Variants in BANP observed in about 807,000 individuals in gnomAD.
BANP encodes the protein BTG3 associated nuclear protein.
A neutral mutation model predicts 68.1 loss-of-function variants in BANP; 11 were observed. The ratio of observed to expected loss-of-function variants is 0.16; its 90% CI spans 0.10 to 0.27. The LOEUF (loss-of-function observed/expected upper bound fraction) is 0.27, where lower values mean the gene tolerates loss of function less well. Ranked by LOEUF, BANP falls within the 10% of genes least tolerant of loss-of-function variation. The pLI is 1.00. For missense variants in BANP, 504 were observed against 722.7 expected, an observed-to-expected ratio of 0.70 and a Z score of 3.47; for synonymous variants, 329 against 303.2, an observed-to-expected ratio of 1.09 and a Z score of -0.88.
intron 1 of BANP, among the ~76,000 whole-genome samples, chr16:87,967,333 T>G (rs2060219228): frequency 6.8e-6 from 1 of 146,872 alleles, no homozygotes; most frequent in African/African-American, 2.5e-5. Flanking sequence ...GCTCTCCAAC[T>G]CTGACCTCAG....
At chr16:87,989,947 G>T (rs1161949512) in intron 4 of BANP, among the ~76,000 whole-genome samples, 1 of 149,112 alleles carries the variant, frequency 6.7e-6, no homozygotes, top group Admixed American at 6.7e-5. Context: ...CAGGGCGGGC[G>T]ACAGGGGATG....
rs774735387 is a variant in BANP, at chr16:87,981,070, C to T, written c.105C>T (p.Asp35=). 24 of 1,613,956 alleles carry T rather than the reference C, an allele frequency of 1.5e-5. No homozygotes were observed. Among genetic ancestry groups the T allele is most frequent in the African/African-American group, 8.0e-5 (6 of 75,004 alleles). Residue 35 remains aspartate, a synonymous_variant, in exon 3 of 14, where the codon GAC becomes GAT. Coordinates refer to ENST00000682872, the MANE Select transcript of BANP (RefSeq NM_001386991.1). ...AGAATCATGTAGTGACAGATGAAGA[C>T]GAACCTGCTTTGAAACGCCAGCGAC... ...VLENHVVTDE[D]EPALKRQRLE...
At position 88,018,323 on chromosome 16, in the gene BANP, G is replaced by C. The variant is rs550186046; in HGVS notation, c.656-105G>C. On this transcript the variant is annotated intron_variant, in intron 6 of 13. Coordinates refer to ENST00000682872, the MANE Select transcript of BANP (RefSeq NM_001386991.1). This position sits in a 1 kb window ranked among gnomAD's most constrained non-coding sequence, Gnocchi z 7.7. ...AGTTACGAGGGATTTGCCCAGCCCTGCGTGGAGCATCTTTCCCGACTGTGC... is the reference window on the plus strand; with the variant it reads ...AGTTACGAGGGATTTGCCCAGCCCTCCGTGGAGCATCTTTCCCGACTGTGC... 3.5e-6 allele frequency: 5 copies of C among 1,417,616 alleles called. No individual in the cohort carries two copies. In the African/African-American group the frequency reaches 7.0e-5, roughly 20 times the overall value. 87.8% of individuals were successfully genotyped at this position (1,417,616 alleles called of 1,614,324 possible).
chr16:87,992,926 T>C (rs7198708), intron 4 of BANP, among the ~76,000 whole-genome samples: 99,814 of 152,142 alleles, frequency 0.66, 33,407 homozygotes, highest in African/African-American at 0.76. Flanking sequence ...TGTATGTTTC[T>C]GTGTCTGTGG....
chr16:88,008,084 T>G (rs1489617908), intron 6 of BANP, among the ~76,000 whole-genome samples: 1 of 152,212 alleles, frequency 6.6e-6, no homozygotes, highest in Non-Finnish European at 1.5e-5. Flanking sequence ...CTCGTGGATG[T>G]GCCTGTTGTG....
intron 4 of BANP, among the ~76,000 whole-genome samples, chr16:87,989,892 G>A (rs35696048): frequency 0.35 from 38,693 of 110,182 alleles, 10,113 homozygotes; most frequent in Non-Finnish European, 0.48. Context: ...GTGGGTGACG[G>A]GGGATGCAGG....
In BANP at chr16:88,047,874, A is replaced by G. The variant is rs551951407; in HGVS notation, c.1311+9863A>G. Among the ~76,000 whole-genome samples the G allele has an allele frequency of 1.1e-4, 17 of 152,358 alleles. No homozygotes were observed. In the South Asian group the frequency reaches 3.3e-3, roughly 30 times the overall value. On this transcript the variant is annotated intron_variant, in intron 11 of 13. Coordinates refer to ENST00000682872, the MANE Select transcript of BANP (RefSeq NM_001386991.1). The stretch of plus-strand genomic sequence containing the variant: ...GACTGTGCTTTCTTTTTACACTGCT[A>G]TGACTATGTCCTGTCACTTAAACAT...
At chr16:88,027,888 C>A (rs1231555148) in intron 8 of BANP, among the ~76,000 whole-genome samples, 1 of 152,262 alleles carries the variant, frequency 6.6e-6, no homozygotes, top group East Asian at 1.9e-4. Context: ...GACAGAGGGC[C>A]TGTTGGGCCT....
intron 1 of BANP, 102 bp from the exon 2 acceptor site, chr16:87,974,946 G>A (rs918218614): frequency 5.0e-6 from 3 of 601,192 alleles, no homozygotes; most frequent in South Asian, 4.0e-5. Flanking sequence ...CTCCACAGAC[G>A]TTCGCGGCCT....
intron 6 of BANP, among the ~76,000 whole-genome samples, chr16:88,009,952 A>G (rs953621229): frequency 6.6e-6 from 1 of 152,192 alleles, no homozygotes; most frequent in African/African-American, 2.4e-5. Context: ...CATTGGAATA[A>G]GAAGGACTGT....
rs1172243734 is a variant in BANP, at chr16:88,071,331, C to A, written c.1378-738C>A. 1 of 375,172 alleles carries A rather than the reference C, an allele frequency of 2.7e-6. No homozygotes were observed. Among genetic ancestry groups the A allele is most frequent in the Non-Finnish European group, 5.3e-6 (1 of 188,054 alleles). The allele number at this position is 375,172 out of a possible 1,614,324, so 23.2% of individuals were successfully genotyped here. ...TGGGCCGTCTTGACACCGGAGCTGCCTGCCTGGATGTTGGAGCGCCCAGTG... is the reference window on the plus strand; with the variant it reads ...TGGGCCGTCTTGACACCGGAGCTGCATGCCTGGATGTTGGAGCGCCCAGTG... On this transcript the variant is annotated intron_variant, in intron 12 of 13. Coordinates refer to ENST00000682872, the MANE Select transcript of BANP (RefSeq NM_001386991.1). The surrounding 1 kb of genome is among the most constrained non-coding windows in gnomAD (Gnocchi z 6.5).
intron 11 of BANP, among the ~76,000 whole-genome samples, chr16:88,053,029 C>T (rs1419805149): frequency 6.6e-6 from 1 of 150,500 alleles, no homozygotes; most frequent in Non-Finnish European, 1.5e-5. Flanking sequence ...AACAGTCACC[C>T]TAACAAACAC....
rs142799223 is a variant in BANP, at chr16:88,028,357, G to A, written c.1063+707G>A. On this transcript the variant is annotated intron_variant, in intron 8 of 13. Transcript: ENST00000682872. ...CCTATTCAGTGGAGTCTTTGTTGGC[G>A]GGAACCCTTTGTTCTGGAAGTCCTG... Among the ~76,000 whole-genome samples, 575 of 152,312 alleles carry A rather than the reference G, an allele frequency of 3.8e-3. 4 individuals carry two copies. The highest frequency in any genetic ancestry group is 0.012 in the African/African-American group (512 of 41,570).
chr16:88,049,052 TG>T (rs2082660466), intron 11 of BANP, among the ~76,000 whole-genome samples: 2 of 151,816 alleles, frequency 1.3e-5, no homozygotes, highest in Admixed American at 1.3e-4. Flanking sequence ...GGACCAAACG[TG>T]GGGTTTTTTC....
intron 13 of BANP, among the ~76,000 whole-genome samples, chr16:88,074,378 C>T (rs955819636): frequency 2.0e-5 from 3 of 152,220 alleles, no homozygotes; most frequent in East Asian, 3.9e-4. Flanking sequence ...GTGGGGGTGG[C>T]CAATCCTCAA....
intron 6 of BANP, among the ~76,000 whole-genome samples, chr16:88,015,172 C>G (rs2074229836): frequency 6.9e-6 from 1 of 145,314 alleles, no homozygotes; most frequent in African/African-American, 2.6e-5. Context: ...CCCGTCCCCT[C>G]TGCCTGTGCC....
At chr16:88,075,922 T>A (rs778342597) in intron 13 of BANP, among the ~76,000 whole-genome samples, 4 of 89,568 alleles carry the variant, frequency 4.5e-5, no homozygotes, top group Non-Finnish European at 9.6e-5. Context: ...ATTTTTGTAT[T>A]TATTGTAGAG....
At chr16:87,953,204 C>A (rs372265080) in intron 1 of BANP, among the ~76,000 whole-genome samples, 2 of 150,130 alleles carry the variant, frequency 1.3e-5, no homozygotes, top group Non-Finnish European at 3.0e-5. Flanking sequence ...AAAAAAAAAG[C>A]CCATATATTT....
intron 11 of BANP, among the ~76,000 whole-genome samples, chr16:88,045,387 C>G (rs928971741): frequency 6.6e-6 from 1 of 152,238 alleles, no homozygotes; most frequent in Non-Finnish European, 1.5e-5. Context: ...TTGAGCGTTT[C>G]TTGCAGGAGA....
Sources: gnomAD v4.1 joint callset for allele counts (sites outside exome capture counted in the v4.1 genomes callset) on GRCh38, gnomAD v4.1.1 for gene constraint, Gnocchi (gnomAD v3.1) non-coding constraint, MANE v1.5 for transcripts, NCBI Gene and HGNC (gene_info 2026-07-23, HGNC 2026-07-21) for gene names.